The following GLI2 variants were observed in gnomAD, a reference collection of about 807,000 sequenced individuals.
The protein encoded by GLI2 is transcription activator GLI2.
GLI2 carries 22 observed loss-of-function variants against 78.9 expected under a neutral mutation model. The observed-to-expected ratio is 0.28, with a 90% CI of 0.20 to 0.40. The LOEUF is 0.40. Among genes scored for constraint, GLI2 ranks in the 10% least tolerant of loss-of-function variants. GLI2 has a pLI of 1.00. For missense variants in GLI2, 2,097 were observed against 2,213.2 expected, an observed-to-expected ratio of 0.95 and a Z score of 1.05; for synonymous variants, 974 against 963.7, an observed-to-expected ratio of 1.01 and a Z score of -0.20.
intron 3 of GLI2, among the ~76,000 whole-genome samples, chr2:120,945,090 G>T (rs1680643111): frequency 6.6e-6 from 1 of 152,166 alleles, no homozygotes; most frequent in Admixed American, 6.5e-5. Context: ...AGAGGGAAGA[G>T]GAAGGATCCT....
chr2:120,806,940 G>A (rs567348430), intron 2 of GLI2, among the ~76,000 whole-genome samples: 97 of 152,348 alleles, frequency 6.4e-4, no homozygotes, highest in African/African-American at 2.1e-3. Context: ...CCCCAGTTAC[G>A]ATGCTGATGT....
At chr2:120,829,159 C>G (rs1368352453) in intron 2 of GLI2, among the ~76,000 whole-genome samples, 2 of 152,214 alleles carry the variant, frequency 1.3e-5, no homozygotes, top group Admixed American at 1.3e-4. Context: ...CCAGCACCCA[C>G]ACGCACCCTT....
At chr2:120,758,594 C>G (rs954069751) in intron 1 of GLI2, among the ~76,000 whole-genome samples, 3 of 152,178 alleles carry the variant, frequency 2.0e-5, no homozygotes, top group Non-Finnish European at 4.4e-5. Context: ...AGGCCTAGAC[C>G]CAGGGCTCCC....
At chr2:120,887,711 C>T (rs780393786) in intron 2 of GLI2, among the ~76,000 whole-genome samples, 25 of 152,200 alleles carry the variant, frequency 1.6e-4, no homozygotes, top group African/African-American at 9.6e-5. Context: ...TTTGTCTGGG[C>T]CACAATTTGC....
Position 120,984,577 on chromosome 2 carries a change from A to G in GLI2, c.1739A>G (p.Lys580Arg). 1 of 1,614,240 alleles carries G rather than the reference A, an allele frequency of 6.2e-7. No homozygotes were observed. Among genetic ancestry groups the G allele is most frequent in the Non-Finnish European group, 8.5e-7 (1 of 1,180,030 alleles). Residue 580 changes from lysine to arginine, a missense_variant, in exon 12 of 14, where the codon AAG (lysine) becomes AGG (arginine). By Grantham distance (26) the Lys-to-Arg change is conservative. Around this residue, in one of 5 missense-constraint regions of GLI2, gnomAD observed 57 missense variants for 44.5 expected, o/e 1.28. Transcript: ENST00000361492. Reference protein sequence around the residue: ...TVHGPDAHVTKKQRNDVHLRT... With the variant: ...TVHGPDAHVTRKQRNDVHLRT... The stretch of plus-strand genomic sequence containing the variant: ...CACGGCCCAGATGCCCACGTCACCA[A>G]GAAGCAGCGCAATGACGTGCACCTC...
intron 2 of GLI2, among the ~76,000 whole-genome samples, chr2:120,901,316 A>G (rs1356572384): frequency 6.6e-6 from 1 of 152,198 alleles, no homozygotes; most frequent in African/African-American, 2.4e-5. Context: ...AAGTGTCAGG[A>G]TACAATTGGG....
chr2:120,823,221 C>T (rs1051452432), intron 2 of GLI2, among the ~76,000 whole-genome samples: 1 of 152,322 alleles, frequency 6.6e-6, no homozygotes, highest in Admixed American at 6.5e-5. Flanking sequence ...GATCATTTAC[C>T]TGAATTGCTT....
intron 2 of GLI2, among the ~76,000 whole-genome samples, chr2:120,874,926 A>G (rs1688659619): frequency 6.6e-6 from 1 of 152,176 alleles, no homozygotes; most frequent in Non-Finnish European, 1.5e-5. Context: ...TCTAGGAGGT[A>G]TACGACTTGG....
intron 2 of GLI2, among the ~76,000 whole-genome samples, chr2:120,858,066 G>A (rs1187785048): frequency 1.3e-5 from 2 of 152,164 alleles, no homozygotes; most frequent in African/African-American, 4.8e-5. Flanking sequence ...GTGTAGGGTG[G>A]TCGAGGTGAG....
rs779072625 is a variant in GLI2 at position 120,989,588 on chromosome 2, T to C, written c.3623T>C (p.Leu1208Pro). The C allele has an allele frequency of 1.2e-6, 2 of 1,613,234 alleles. No homozygotes were observed. Among genetic ancestry groups the C allele is most frequent in the Non-Finnish European group, 1.7e-6 (2 of 1,179,958 alleles). ...GIPRVNYMQQ[L>P]RQPVAGSQCP... ...CCCAGGGTAAACTACATGCAGCAGC[T>C]GCGACAGCCAGTGGCAGGCAGCCAG... Residue 1208 changes from leucine (L) to proline (P), a missense_variant, in exon 14 of 14, where the codon CTG becomes CCG. By Grantham distance (98) the Leu-to-Pro change is moderately conservative. Around this residue, in one of 5 missense-constraint regions of GLI2, gnomAD observed 1,290 missense variants for 1,261.7 expected, o/e 1.02. Transcript: ENST00000361492.
intron 7 of GLI2, among the ~76,000 whole-genome samples, chr2:120,971,298 G>A (rs571213779): frequency 6.6e-5 from 10 of 152,364 alleles, no homozygotes; most frequent in African/African-American, 2.4e-4. Flanking sequence ...TGGGAGCACT[G>A]ACAACGACAA....
At chr2:120,808,315 C>T (rs186075524) in intron 2 of GLI2, among the ~76,000 whole-genome samples, 6 of 152,192 alleles carry the variant, frequency 3.9e-5, no homozygotes, top group Non-Finnish European at 8.8e-5. Context: ...CCGCCGAGTG[C>T]TGCAATCCCA....
intron 2 of GLI2, among the ~76,000 whole-genome samples, chr2:120,895,015 AGTGCCTCAATGG>A: frequency 6.7e-6 from 1 of 149,576 alleles, no homozygotes; most frequent in African/African-American, 2.4e-5. Context: ...TTTTCTTTCT[AGTGCCTCAATGG>A]GTGCCTCCTT....
At chr2:120,747,142 G>A (rs2104627819) in intron 1 of GLI2, among the ~76,000 whole-genome samples, 1 of 152,284 alleles carries the variant, frequency 6.6e-6, no homozygotes, top group East Asian at 1.9e-4. Flanking sequence ...TAGAATATTT[G>A]GACAGCTGTT....
intron 2 of GLI2, among the ~76,000 whole-genome samples, chr2:120,881,513 A>C (rs571710855): frequency 5.2e-4 from 55 of 106,386 alleles, no homozygotes; most frequent in African/African-American, 1.9e-3. Flanking sequence ...AGGGCAGGTC[A>C]AGGGAGGGCA....
chr2:120,929,918 A>G (rs1679869649), intron 3 of GLI2, among the ~76,000 whole-genome samples: 1 of 152,232 alleles, frequency 6.6e-6, no homozygotes. Context: ...TTGCCCAGTC[A>G]GTGGTGTCTG....
Position 120,797,359 on chromosome 2 carries a change from A to G in GLI2, c.39A>G (p.Gln13=), listed in dbSNP as rs777065563. 1 of 1,614,086 alleles carries G rather than the reference A, an allele frequency of 6.2e-7. No individual in the cohort carries two copies. The change falls in exon 2 of 14, where the codon CAA becomes CAG. Residue 13 remains glutamine, a synonymous_variant. Coordinates refer to ENST00000361492, the MANE Select transcript of GLI2 (RefSeq NM_001374353.1). ...CCTCAGCCACTGCCTCCGAGAAGCA[A>G]GAAGCCAAAAGTGGGATCCTGGAGG... ...TSASATASEK[Q]EAKSGILEAA...
In GLI2 at chr2:120,736,105, G is replaced by C. The variant is rs1209775900; in HGVS notation, c.-211G>C. 1.3e-5 allele frequency: 2 copies of C among 148,466 alleles called. No homozygotes were observed. The highest frequency in any genetic ancestry group is 5.0e-5 in the African/African-American group (2 of 40,036). The allele number at this position is 148,466 out of a possible 1,614,324, so 9.2% of individuals were successfully genotyped here. A position where few individuals can be genotyped will look rare whatever the true frequency, so the allele number is the denominator to read the frequency against. On this transcript the variant is annotated 5_prime_UTR_variant, in exon 1 of 14. Transcript: ENST00000361492. The stretch of plus-strand genomic sequence containing the variant: ...TCGCCGGCGGTAGGGGCTGCGCGGC[G>C]CCCGCCCGCCTCTCGGTCCCCTCTC...
At position 120,801,231 on chromosome 2, in the gene GLI2, T is replaced by C. The variant is rs549617557; in HGVS notation, c.148+3763T>C. The stretch of plus-strand genomic sequence containing the variant: ...TCAGCTCACTGCAACCTCTGCCTCC[T>C]GGGTTCAAGCCATTCTCCTGCTTCA... On this transcript the variant is annotated intron_variant, in intron 2 of 13. Transcript: ENST00000361492. Among the ~76,000 whole-genome samples, 286 of 152,320 alleles carry C rather than the reference T, an allele frequency of 1.9e-3. 1 individual carries two copies. Among genetic ancestry groups the C allele is most frequent in the African/African-American group, 6.4e-3 (268 of 41,566 alleles).
Sources: allele counts gnomAD v4.1 joint callset (sites outside exome capture counted in the v4.1 genomes callset), GRCh38; gene constraint gnomAD v4.1.1; regional missense constraint gnomAD v4.1.1; transcripts MANE v1.5; gene names NCBI Gene and HGNC (gene_info 2026-07-23, HGNC 2026-07-21).